KCNH2: variants seen among roughly 807,000 people sequenced by gnomAD.
The protein encoded by KCNH2 is voltage-gated inwardly rectifying potassium channel KCNH2.
KCNH2 carries 35 observed loss-of-function variants against 95.9 expected under a neutral mutation model. That is an observed-to-expected ratio of 0.37 (90% CI 0.28 to 0.48). The LOEUF (loss-of-function observed/expected upper bound fraction) is 0.48, where lower values mean the gene tolerates loss of function less well. KCNH2 is among the 20% of genes least tolerant of loss of function. The pLI, the probability that KCNH2 is intolerant of heterozygous loss-of-function variation, is 0.99. For missense variants in KCNH2, 1,274 were observed against 1,702.9 expected (o/e 0.75, Z 4.43); for synonymous variants, 786 against 754.7 (o/e 1.04, Z -0.68).
chr7:150,967,656 CCTAA>C, intron 2 of KCNH2, among the ~76,000 whole-genome samples: 1 of 152,188 alleles, frequency 6.6e-6, no homozygotes, highest in Non-Finnish European at 1.5e-5. Context: ...AGATTATAGA[CCTAA>C]CTGAGAACAG....
Position 150,958,497 on chromosome 7 carries a change from C to G in KCNH2, c.478G>C (p.Ala160Pro). The change falls in exon 4 of 15, where the codon GCC (alanine) becomes CCC (proline). Residue 160 changes from alanine to proline, a missense_variant. By Grantham distance (27) the Ala-to-Pro change is conservative. Coordinates refer to ENST00000262186, the MANE Select transcript of KCNH2 (RefSeq NM_000238.4). ...PPTSWLAPGRAKTFRLKLPAL... is the reference protein window; with the variant it reads ...PPTSWLAPGRPKTFRLKLPAL... ...GGCAGCTTCAGGCGGAAGGTCTTGG[C>G]GCGGCCTGCGGGAGAGGAGAGGCAC... is the stretch of plus-strand genomic sequence containing the variant. 6.8e-7 allele frequency: 1 copy of G among 1,475,518 alleles called. No individual in the cohort carries two copies. Among genetic ancestry groups the G allele is most frequent in the South Asian group, 1.3e-5 (1 of 77,660 alleles). The allele number at this position is 1,475,518 out of a possible 1,614,324, so 91.4% of individuals were successfully genotyped here.
Position 150,959,585 on chromosome 7 carries a change from G to A in KCNH2, c.459C>T (p.Ser153=), listed in dbSNP as rs757935770. Reference sequence around the variant, plus strand: ...AAGTACACTTACCTGGGGCCAGCCAGCTGGTGGGGGGGCCCCGGTGGTTGG... The same window carrying A: ...AAGTACACTTACCTGGGGCCAGCCAACTGGTGGGGGGGCCCCGGTGGTTGG... ...HDTNHRGPPT[S]WLAPGRAKTF... is the part of the protein sequence containing the mutation. Residue 153 remains serine (S), a synonymous_variant, in exon 3 of 15, where the codon AGC becomes AGT. Coordinates refer to ENST00000262186, the MANE Select transcript of KCNH2 (RefSeq NM_000238.4). 3 of 1,614,088 alleles carry A rather than the reference G, an allele frequency of 1.9e-6. No homozygotes were observed. In the South Asian group the frequency reaches 3.3e-5, roughly 18 times the overall value.
At chr7:150,948,420 C>CCCAACA in intron 11 of KCNH2, 24 bp downstream of exon 11, 4 of 1,334,590 alleles carry the variant, frequency 3.0e-6, no homozygotes, top group African/African-American at 1.4e-5. Context: ...CCGCCCTCCC[C>CCCAACA]CTTCCTCCCC....
chr7:150,975,418 C>T (rs1801957877), intron 1 of KCNH2, among the ~76,000 whole-genome samples: 1 of 152,128 alleles, frequency 6.6e-6, no homozygotes, highest in Admixed American at 6.5e-5. Flanking sequence ...CCCTGAGCCA[C>T]TCCTTATCCT....
chr7:150,947,534 C>T lies in KCNH2; in HGVS notation c.2966-20G>A, dbSNP rs758146526. 2.5e-6 allele frequency: 4 copies of T among 1,599,750 alleles called. No homozygotes were observed. The highest frequency in any genetic ancestry group is 1.7e-5 in the Admixed American group (1 of 57,836). On this transcript the variant is annotated intron_variant, in intron 12 of 14. Coordinates refer to ENST00000262186, the MANE Select transcript of KCNH2 (RefSeq NM_000238.4). ...AGGCGCCTGCAGCCAGAGAGCAGAG[C>T]TGGGTGAGCGGGGTAGACGCACCAC...
intron 2 of KCNH2, among the ~76,000 whole-genome samples, chr7:150,970,285 C>A (rs1187604401): frequency 6.6e-6 from 1 of 151,204 alleles, no homozygotes; most frequent in African/African-American, 2.4e-5. Flanking sequence ...CCAAGCTGGC[C>A]CTTCTGCTGC....
chr7:150,960,846 G>A (rs1801546510), intron 2 of KCNH2, among the ~76,000 whole-genome samples: 1 of 151,916 alleles, frequency 6.6e-6, no homozygotes. Flanking sequence ...TGAGCACATG[G>A]GCCCCCTGCT....
At chr7:150,965,847 G>A (rs1388352663) in intron 2 of KCNH2, among the ~76,000 whole-genome samples, 1 of 152,128 alleles carries the variant, frequency 6.6e-6, no homozygotes, top group Non-Finnish European at 1.5e-5. Flanking sequence ...GGTGGGGACA[G>A]GCCATGTCCC....
chr7:150,972,242 A>T (rs1203716984), intron 2 of KCNH2, among the ~76,000 whole-genome samples: 1 of 152,250 alleles, frequency 6.6e-6, no homozygotes, highest in Non-Finnish European at 1.5e-5. Flanking sequence ...GCCTGCCAGC[A>T]GAAGGCTCCA....
chr7:150,945,219 TG>T lies in KCNH2; in HGVS notation c.*145del. The T allele has an allele frequency of 1.1e-6, 1 of 899,628 alleles. No homozygotes were observed. Among genetic ancestry groups the T allele is most frequent in the Non-Finnish European group, 1.6e-6 (1 of 608,654 alleles). The allele number at this position is 899,628 out of a possible 1,614,324, so 55.7% of individuals were successfully genotyped here. On this transcript the variant is annotated 3_prime_UTR_variant, in exon 15 of 15. Transcript: ENST00000262186. This position sits in a 1 kb window ranked among gnomAD's most constrained non-coding sequence, Gnocchi z 5.6. ...GGGCCCAGGGGACTGCAGGAGAAGA[TG>T]GTCCCAAGGGCTGGGGGAGGAGCTG...
rs1370056786 is a variant in KCNH2, at chr7:150,958,514, G to C, written c.473-12C>G. ...GGTCTTGGCGCGGCCTGCGGGAGAG[G>C]AGAGGCACGTGGTCGTGGGGATCGC... On this transcript the variant is annotated splice_polypyrimidine_tract_variant and intron_variant, in intron 3 of 14. Coordinates refer to ENST00000262186, the MANE Select transcript of KCNH2 (RefSeq NM_000238.4). 2 of 1,474,914 alleles carry C rather than the reference G, an allele frequency of 1.4e-6. No homozygotes were observed. Among genetic ancestry groups the C allele is most frequent in the Non-Finnish European group, 1.8e-6 (2 of 1,119,846 alleles). 91.4% of individuals were successfully genotyped at this position (1,474,914 alleles called of 1,614,324 possible). A position where few individuals can be genotyped will look rare whatever the true frequency, so the allele number is the denominator to read the frequency against.
Position 150,945,082 on chromosome 7 carries a change from CT to C in KCNH2, c.*282del. 2.2e-6 allele frequency: 1 copy of C among 464,366 alleles called. No homozygotes were observed. The highest frequency in any genetic ancestry group is 3.8e-6 in the Non-Finnish European group (1 of 260,730). The allele number at this position is 464,366 out of a possible 1,614,324, so 28.8% of individuals were successfully genotyped here. ...AATAGCAGAAAAGTCCTTGAGGTGC[CT>C]AAGGCCCAGGGCCGGGTGCCTCCGG... On this transcript the variant is annotated 3_prime_UTR_variant, in exon 15 of 15. Coordinates refer to ENST00000262186, the MANE Select transcript of KCNH2 (RefSeq NM_000238.4). This position sits in a 1 kb window ranked among gnomAD's most constrained non-coding sequence, Gnocchi z 5.6.
intron 9 of KCNH2, among the ~76,000 whole-genome samples, 179 bp from the exon 10 acceptor site, chr7:150,949,228 C>T (rs930750478): frequency 2.0e-5 from 3 of 152,108 alleles, no homozygotes; most frequent in South Asian, 2.1e-4. Flanking sequence ...TCCCTCAGCT[C>T]CCAGCAGGCA....
intron 9 of KCNH2, chr7:150,949,364 T>A: frequency 1.6e-6 from 2 of 1,257,866 alleles, no homozygotes; most frequent in South Asian, 2.0e-5. Flanking sequence ...TAAGCAATGT[T>A]CTTCAAACCA....
rs1563145780 is a variant in KCNH2 at position 150,947,383 on chromosome 7, G to GCCGACC, written c.3091_3096dup (p.Gly1031_Arg1032dup). ...CTGCTCTCCACGTCGCCCCGGGGCC[G>GCCGACC]CCGACCCGGGCTGGAGAGGGGGATG... On this transcript the variant is annotated inframe_insertion, in exon 13 of 15. Coordinates refer to ENST00000262186, the MANE Select transcript of KCNH2 (RefSeq NM_000238.4). 8.4e-6 allele frequency: 13 copies of GCCGACC among 1,548,498 alleles called. No individual in the cohort carries two copies. The South Asian group carries it at 1.5e-4, about 18-fold the overall frequency.
chr7:150,974,814 G>A lies in KCNH2; in HGVS notation c.204C>T (p.Phe68=). The change falls in exon 2 of 15, where the codon TTC becomes TTT. Residue 68 remains phenylalanine (F), a synonymous_variant. Transcript: ENST00000262186. ...GGCGCTGCGTGCGCGGCCCGTGCAG[G>A]AAGTCGCAGGTGCAGGGTCGCTGCA... The part of the protein sequence containing the change: ...EVMQRPCTCD[F]LHGPRTQRRA... 6.2e-7 allele frequency: 1 copy of A among 1,606,610 alleles called. No homozygotes were observed. Among genetic ancestry groups the A allele is most frequent in the Non-Finnish European group, 8.5e-7 (1 of 1,176,882 alleles).
At chr7:150,958,558 C>A in intron 3 of KCNH2, 56 bp from the exon 4 acceptor site, 1 of 1,414,356 alleles carries the variant, frequency 7.1e-7, no homozygotes, top group South Asian at 1.4e-5. Flanking sequence ...CCGGAGCGGG[C>A]AAGGCCTGGG....
chr7:150,964,144 C>CATCTGCATGT (rs1185643374), intron 2 of KCNH2, among the ~76,000 whole-genome samples: 1 of 152,178 alleles, frequency 6.6e-6, no homozygotes, highest in Non-Finnish European at 1.5e-5. Flanking sequence ...CATGTCAGCA[C>CATCTGCATGT]CAGGTGGGGA....
At chr7:150,955,634 C>G in intron 5 of KCNH2, 2 of 1,426,102 alleles carry the variant, frequency 1.4e-6, no homozygotes, top group Non-Finnish European at 1.8e-6. Context: ...CCAGAGCAGC[C>G]CCTGGCATGA....
Sources: allele counts gnomAD v4.1 joint callset (sites outside exome capture counted in the v4.1 genomes callset), GRCh38; gene constraint gnomAD v4.1.1; non-coding constraint Gnocchi (gnomAD v3.1); transcripts MANE v1.5; gene names NCBI Gene and HGNC (gene_info 2026-07-23, HGNC 2026-07-21).